The following PROSER3 variants were observed in gnomAD, a reference collection of about 807,000 sequenced individuals.
The protein encoded by PROSER3 is proline and serine-rich protein 3.
In PROSER3, 33 loss-of-function variants were observed where a neutral mutation model predicts 50.2. The observed-to-expected ratio is 0.66, with a 90% confidence interval of 0.50 to 0.88. PROSER3 has a LOEUF of 0.88. PROSER3 is among the 40% of genes least tolerant of loss of function. PROSER3 has a pLI of 0.00. For missense variants in PROSER3, 623 were observed against 612.7 expected (o/e 1.02, Z -0.18); for synonymous variants, 266 against 259.3 (o/e 1.03, Z -0.25).
At chr19:35,767,806 C>G (rs1190503132) in exon 9 of PROSER3, 1 of 1,611,596 alleles carries the variant, frequency 6.2e-7, no homozygotes, top group Non-Finnish European at 8.5e-7. Flanking sequence ...GGGCCAAGGC[C>G]GAGTCTCTGA....
rs1216982155 is a variant in PROSER3, at chr19:35,768,347, C to G, written c.1302-57C>G. ...CCTGTCCCAGCAGTCCGTCCACAGC[C>G]CCAGATTCTAAGCCTGAGCACATAC... On this transcript the variant is annotated intron_variant, in intron 10 of 10. Coordinates refer to ENST00000396908, the Ensembl canonical transcript of PROSER3. The G allele has an allele frequency of 6.3e-6, 10 of 1,582,282 alleles. No homozygotes were observed. The African/African-American group carries it at 1.3e-4, about 21-fold the overall frequency.
At chr19:35,765,308 G>T in intron 7 of PROSER3, 132 bp downstream of exon 7, 2 of 1,203,630 alleles carry the variant, frequency 1.7e-6, no homozygotes, top group East Asian at 5.1e-5. Flanking sequence ...GGCCAGATGA[G>T]GTGGGTCAGG....
intron 8 of PROSER3, chr19:35,767,720 A>C: frequency 6.6e-7 from 1 of 1,504,194 alleles, no homozygotes; most frequent in South Asian, 1.3e-5. Flanking sequence ...CCCTCCACCC[A>C]AGGCTGGATC....
At chr19:35,758,215 G>A (rs1206921260) in exon 1 of PROSER3, 2 of 1,562,338 alleles carry the variant, frequency 1.3e-6, no homozygotes, top group Admixed American at 1.9e-5. Flanking sequence ...GGAGCCGCGG[G>A]ATGGACCGCA....
At chr19:35,770,067 G>C (rs1458450224), downstream of PROSER3, among the ~76,000 whole-genome samples, 1 of 152,030 alleles carries the variant, frequency 6.6e-6, no homozygotes, top group Non-Finnish European at 1.5e-5. Flanking sequence ...ACCACGCCTG[G>C]CTAATTTTTG....
At position 35,762,015 on chromosome 19, in the gene PROSER3, A is replaced by G; in HGVS notation, c.312-4A>G. 6.3e-7 allele frequency: 1 copy of G among 1,593,374 alleles called. No homozygotes were observed. The highest frequency in any genetic ancestry group is 1.7e-4 in the Middle Eastern group (1 of 6,008). ...ACTCACCTCCTATCCCCTGATGTTCACAGGTATATAAACAGGTTCCGCCAG... is the reference window on the plus strand; with the variant it reads ...ACTCACCTCCTATCCCCTGATGTTCGCAGGTATATAAACAGGTTCCGCCAG... On this transcript the variant is annotated splice_region_variant and splice_polypyrimidine_tract_variant and intron_variant, in intron 3 of 10. Coordinates refer to ENST00000396908, the Ensembl canonical transcript of PROSER3.
exon 11 of PROSER3, chr19:35,768,732 A>G: frequency 1.7e-6 from 1 of 602,486 alleles, no homozygotes; most frequent in South Asian, 3.1e-5. Flanking sequence ...CGGAAACAAG[A>G]TCTCCTTTCT....
At chr19:35,765,050 T>A in exon 7 of PROSER3, 1 of 1,613,556 alleles carries the variant, frequency 6.2e-7, no homozygotes, top group South Asian at 1.1e-5. Flanking sequence ...CTCCATCTCC[T>A]CCTCCTCCTC....
intron 8 of PROSER3, chr19:35,767,690 C>G: frequency 3.0e-6 from 4 of 1,326,286 alleles, no homozygotes; most frequent in South Asian, 1.4e-5. Flanking sequence ...GGAGGACACG[C>G]CTCCTCACTT....
chr19:35,758,353 T>A, intron 1 of PROSER3, 127 bp downstream of exon 1: 3 of 1,269,172 alleles, frequency 2.4e-6, no homozygotes, highest in Non-Finnish European at 3.1e-6. Flanking sequence ...GAACTACAAT[T>A]CCCAACATGC....
chr19:35,767,740 C>A, intron 8 of PROSER3: 2 of 1,549,654 alleles, frequency 1.3e-6, no homozygotes, highest in Non-Finnish European at 1.7e-6. Flanking sequence ...CTCCGAAAGT[C>A]CAGGCCACAC....
At chr19:35,767,477 T>G (rs1971191836) in intron 8 of PROSER3, 1 of 284,246 alleles carries the variant, frequency 3.5e-6, no homozygotes, top group Non-Finnish European at 6.6e-6. Context: ...CACCCTCGCA[T>G]CCCCAGCTGT....
At chr19:35,766,803 C>T in exon 8 of PROSER3, 1 of 1,551,272 alleles carries the variant, frequency 6.4e-7, no homozygotes, top group Non-Finnish European at 8.7e-7. Context: ...GACCCCCACC[C>T]CTGCTCCAGC....
intron 5 of PROSER3, chr19:35,762,608 C>A (rs1338087514): frequency 4.6e-6 from 2 of 433,926 alleles, no homozygotes; most frequent in Non-Finnish European, 8.3e-6. Context: ...TACCTGTAAT[C>A]CCAGCTACTT....
intron 7 of PROSER3, among the ~76,000 whole-genome samples, chr19:35,765,667 A>G (rs995030512): frequency 2.7e-5 from 4 of 147,566 alleles, no homozygotes; most frequent in Non-Finnish European, 6.0e-5. Context: ...AGCTGGGACT[A>G]CAGGCATGCA....
At chr19:35,759,600 C>A in intron 2 of PROSER3, 130 bp downstream of exon 2, 1 of 1,013,582 alleles carries the variant, frequency 9.9e-7, no homozygotes, top group Non-Finnish European at 1.4e-6. Context: ...CCCCTCCCCA[C>A]GGCCCTGCCC....
chr19:35,764,564 G>A (rs375807692), intron 5 of PROSER3, among the ~76,000 whole-genome samples: 39 of 152,100 alleles, frequency 2.6e-4, no homozygotes, highest in African/African-American at 9.4e-4. Context: ...GCTGAGGCAG[G>A]AGAATTGCTT....
At chr19:35,759,955 C>T in exon 3 of PROSER3, 1 of 1,605,306 alleles carries the variant, frequency 6.2e-7, no homozygotes, top group Non-Finnish European at 8.5e-7. Flanking sequence ...TCCCCAGCAC[C>T]CACCCTGATT....
chr19:35,760,861 C>G (rs2146566300), intron 3 of PROSER3, among the ~76,000 whole-genome samples: 1 of 152,314 alleles, frequency 6.6e-6, no homozygotes, highest in East Asian at 1.9e-4. Flanking sequence ...ATAATGATCT[C>G]TAGCAGTGCT....
Sources: allele counts gnomAD v4.1 joint callset (sites outside exome capture counted in the v4.1 genomes callset), GRCh38; gene constraint gnomAD v4.1.1; transcripts MANE v1.5; gene names NCBI Gene and HGNC (gene_info 2026-07-23, HGNC 2026-07-21).